The following IL5RA variants were observed in gnomAD, a reference collection of about 807,000 sequenced individuals.
IL5RA encodes the protein interleukin 5 receptor subunit alpha, also known as interleukin-5 receptor subunit alpha.
Under a neutral mutation model 50.0 loss-of-function variants are expected in IL5RA, and 49 were observed. The ratio of observed to expected loss-of-function variants is 0.98; its 90% CI spans 0.78 to 1.24. IL5RA has a LOEUF of 1.24. IL5RA is among the 50% of genes most tolerant of loss of function. The probability of loss-of-function intolerance (pLI) is 0.00; values close to 1 mark genes in which losing one functional copy is unlikely to be tolerated. For synonymous variants in IL5RA, 202 were observed against 174.0 expected (o/e 1.16, Z -1.26); for missense variants, 600 against 500.4 (o/e 1.20, Z -1.90).
chr3:3,103,803 G>A (rs1703773343), intron 3 of IL5RA, among the ~76,000 whole-genome samples: 1 of 151,974 alleles, frequency 6.6e-6, no homozygotes, highest in African/African-American at 2.4e-5. Flanking sequence ...TTTTTTCTGG[G>A]CGTATATTTA....
chr3:3,101,874 G>T, intron 4 of IL5RA, 44 bp from the exon 5 acceptor site: 1 of 1,531,940 alleles, frequency 6.5e-7, no homozygotes, highest in Non-Finnish European at 8.9e-7. Flanking sequence ...AAGAGAACTA[G>T]ACTTAAGAGA....
intron 1 of IL5RA, among the ~76,000 whole-genome samples, chr3:3,109,658 A>T (rs1215363711): frequency 2.0e-5 from 3 of 152,194 alleles, no homozygotes; most frequent in Non-Finnish European, 2.9e-5. Flanking sequence ...TATACCCAGA[A>T]TCAACATGAC....
At chr3:3,106,628 G>C (rs1416269197) in intron 2 of IL5RA, among the ~76,000 whole-genome samples, 1 of 151,970 alleles carries the variant, frequency 6.6e-6, no homozygotes, top group Non-Finnish European at 1.5e-5. Context: ...TTTTCAACAA[G>C]TGAGAATTTT....
At chr3:3,072,732 C>T (rs553638295) in intron 11 of IL5RA, among the ~76,000 whole-genome samples, 33 of 152,096 alleles carry the variant, frequency 2.2e-4, no homozygotes, top group Admixed American at 2.6e-4. Context: ...GCCAACATGG[C>T]GTAACCCTGT....
In IL5RA at chr3:3,067,429, C is replaced by G. The variant is rs1224515145; in HGVS notation, c.*2796G>C. 6.6e-6 allele frequency: 1 copy of G among 152,190 alleles called. No individual in the cohort carries two copies. The highest frequency in any genetic ancestry group is 1.5e-5 in the Non-Finnish European group (1 of 68,078). The allele number at this position is 152,190 out of a possible 1,614,324, so 9.4% of individuals were successfully genotyped here. ...ATATTTTCTTAAGTCAGATACTGTCCTAGACACTGCAGATAAAAAGACGTA... is the reference window on the plus strand; with the variant it reads ...ATATTTTCTTAAGTCAGATACTGTCGTAGACACTGCAGATAAAAAGACGTA... On this transcript the variant is annotated 3_prime_UTR_variant, in exon 12 of 12. Transcript: ENST00000446632.
chr3:3,106,001 C>T (rs1413750196), intron 2 of IL5RA, among the ~76,000 whole-genome samples: 1 of 152,140 alleles, frequency 6.6e-6, no homozygotes, highest in African/African-American at 2.4e-5. Flanking sequence ...ACGTGCTCCC[C>T]CCAGAGATTT....
chr3:3,069,003 G>A lies in IL5RA; in HGVS notation c.*1222C>T, dbSNP rs1009898679. 1.3e-5 allele frequency: 2 copies of A among 152,202 alleles called. No homozygotes were observed. The highest frequency in any genetic ancestry group is 6.5e-5 in the Admixed American group (1 of 15,286). 9.4% of individuals were successfully genotyped at this position (152,202 alleles called of 1,614,324 possible). On this transcript the variant is annotated 3_prime_UTR_variant, in exon 12 of 12. Coordinates refer to ENST00000446632, the MANE Select transcript of IL5RA (RefSeq NM_175726.4). ...CAAACCTGGAAATATATGGTAGTCAGTGTGTCCCCACCGATGGATCAAAAC... is the reference window on the plus strand; with the variant it reads ...CAAACCTGGAAATATATGGTAGTCAATGTGTCCCCACCGATGGATCAAAAC...
At chr3:3,095,719 C>CT (rs1559873527) in intron 7 of IL5RA, among the ~76,000 whole-genome samples, 1 of 151,866 alleles carries the variant, frequency 6.6e-6, no homozygotes, top group African/African-American at 2.4e-5. Flanking sequence ...ACTTCCCCCC[C>CT]TCAGCTCATT....
At chr3:3,098,347 T>A in intron 5 of IL5RA, 57 bp from the exon 6 acceptor site, 1 of 1,477,380 alleles carries the variant, frequency 6.8e-7, no homozygotes, top group Non-Finnish European at 9.4e-7. Context: ...CTGAATTTCA[T>A]GCTTCTTTTG....
At chr3:3,071,599 T>TGTGTGTA (rs1559858931) in intron 11 of IL5RA, among the ~76,000 whole-genome samples, 1 of 107,806 alleles carries the variant, frequency 9.3e-6, no homozygotes, top group African/African-American at 4.0e-5. Flanking sequence ...GTGTGTGTAT[T>TGTGTGTA]TTTTTTTTTT....
At chr3:3,073,285 C>T (rs979709642) in intron 11 of IL5RA, among the ~76,000 whole-genome samples, 8 of 152,224 alleles carry the variant, frequency 5.3e-5, no homozygotes, top group Non-Finnish European at 1.0e-4. Flanking sequence ...CCAGGTGGTT[C>T]ATCCAATCAT....
In IL5RA at chr3:3,074,190, T is replaced by G. The variant is rs569897555; in HGVS notation, c.1176+592A>C. ...ATAATTTGCCTTTTCTATGGTCTTT[T>G]TTATACTAAAGAGCTAAAGTTCCCT... On this transcript the variant is annotated intron_variant, in intron 11 of 11. Coordinates refer to ENST00000446632, the MANE Select transcript of IL5RA (RefSeq NM_175726.4). Among the ~76,000 whole-genome samples the G allele has an allele frequency of 3.3e-5, 5 of 152,374 alleles. No homozygotes were observed. The South Asian group carries it at 8.3e-4, about 25-fold the overall frequency.
In IL5RA at chr3:3,068,517, G is replaced by C. The variant is rs112253246; in HGVS notation, c.*1708C>G. ...TTGAGCCCAGGACAGGGAGGTTGTA[G>C]TGAGCTAAGATCACATCACTACACT... On this transcript the variant is annotated 3_prime_UTR_variant, in exon 12 of 12. Transcript: ENST00000446632. The C allele has an allele frequency of 6.8e-6, 1 of 146,030 alleles. No homozygotes were observed. Among genetic ancestry groups the C allele is most frequent in the African/African-American group, 2.6e-5 (1 of 38,130 alleles). The allele number at this position is 146,030 out of a possible 1,614,324, so 9.0% of individuals were successfully genotyped here. A position where few individuals can be genotyped will look rare whatever the true frequency, so the allele number is the denominator to read the frequency against.
Position 3,066,635 on chromosome 3 carries a change from ACCTCAGGCTTCTTAATT to A in IL5RA, c.*3573_*3589del, listed in dbSNP as rs1299267156. On this transcript the variant is annotated 3_prime_UTR_variant, in exon 12 of 12. Transcript: ENST00000446632. ...TCTACTTTTTCTTTAACAAATTAGCACCTCAGGCTTCTTAATTCCACCAGCAGATGGTCCTGACACAT... is the reference window on the plus strand; with the variant it reads ...TCTACTTTTTCTTTAACAAATTAGCACCACCAGCAGATGGTCCTGACACAT... 3.9e-5 allele frequency: 6 copies of A among 152,182 alleles called. No homozygotes were observed. Among genetic ancestry groups the A allele is most frequent in the African/African-American group, 1.4e-4 (6 of 41,428 alleles). The allele number at this position is 152,182 out of a possible 1,614,324, so 9.4% of individuals were successfully genotyped here.
chr3:3,082,753 C>A (rs17885070), intron 9 of IL5RA, among the ~76,000 whole-genome samples: 82 of 152,318 alleles, frequency 5.4e-4, no homozygotes, highest in African/African-American at 1.9e-3. Flanking sequence ...TGTCAAGCCA[C>A]TTCCCTTTTA....
intron 9 of IL5RA, among the ~76,000 whole-genome samples, chr3:3,087,350 G>A (rs1017822327): frequency 2.0e-5 from 3 of 152,154 alleles, no homozygotes; most frequent in Non-Finnish European, 4.4e-5. Flanking sequence ...TGTCCCCTGT[G>A]CTCCTTGGCT....
intron 9 of IL5RA, among the ~76,000 whole-genome samples, chr3:3,086,992 T>C (rs1350930827): frequency 6.6e-6 from 1 of 152,150 alleles, no homozygotes; most frequent in African/African-American, 2.4e-5. Context: ...ATGTTCTCAC[T>C]TATAAATGGG....
At chr3:3,095,967 T>C (rs1004829682) in intron 7 of IL5RA, among the ~76,000 whole-genome samples, 12 of 152,184 alleles carry the variant, frequency 7.9e-5, no homozygotes, top group Admixed American at 1.3e-4. Context: ...GAAGCTTCAG[T>C]TTTCTTTTGC....
intron 9 of IL5RA, among the ~76,000 whole-genome samples, chr3:3,081,237 A>G (rs1295938203): frequency 6.6e-6 from 1 of 152,176 alleles, no homozygotes; most frequent in East Asian, 1.9e-4. Context: ...TAGTTAATGT[A>G]AAGAGTAGCT....
Sources: gnomAD v4.1 joint callset for allele counts (sites outside exome capture counted in the v4.1 genomes callset) on GRCh38, gnomAD v4.1.1 for gene constraint, MANE v1.5 for transcripts, NCBI Gene and HGNC (gene_info 2026-07-23, HGNC 2026-07-21) for gene names.